The following CTIF variants were observed in gnomAD, a reference collection of about 807,000 sequenced individuals.
CTIF encodes the protein cap binding complex dependent translation initiation factor.
CTIF carries 21 observed loss-of-function variants against 66.0 expected under a neutral mutation model. The ratio of observed to expected loss-of-function variants is 0.32; its 90% CI spans 0.23 to 0.46. CTIF has a LOEUF of 0.46. Among genes scored for constraint, CTIF ranks in the 20% least tolerant of loss-of-function variants. The pLI is 1.00. For missense variants in CTIF, 739 were observed against 812.7 expected (o/e 0.91, Z 1.10); for synonymous variants, 345 against 326.4 (o/e 1.06, Z -0.62).
chr18:48,831,160 A>AC (rs1005171369), intron 10 of CTIF, among the ~76,000 whole-genome samples: 15 of 151,954 alleles, frequency 9.9e-5, no homozygotes, highest in African/African-American at 9.7e-5. Context: ...GAAAAGAAAC[A>AC]CCCCCCATCA....
intron 3 of CTIF, among the ~76,000 whole-genome samples, chr18:48,637,208 C>G (rs2090839614): frequency 6.6e-6 from 1 of 152,186 alleles, no homozygotes; most frequent in Non-Finnish European, 1.5e-5. Flanking sequence ...GTCCTGGGAC[C>G]CCGCCAGAGC....
At chr18:48,838,138 T>G (rs2068855506) in intron 10 of CTIF, among the ~76,000 whole-genome samples, 1 of 152,152 alleles carries the variant, frequency 6.6e-6, no homozygotes, top group African/African-American at 2.4e-5. Flanking sequence ...AGTTCTCACT[T>G]CTCCAAGTGT....
chr18:48,574,558 G>A (rs1233045030), intron 1 of CTIF, among the ~76,000 whole-genome samples: 2 of 152,196 alleles, frequency 1.3e-5, no homozygotes, highest in African/African-American at 4.8e-5. Flanking sequence ...GGCCGCTTGG[G>A]ACCCTCCATT....
At chr18:48,589,772 G>A (rs2089850025) in intron 1 of CTIF, among the ~76,000 whole-genome samples, 1 of 152,218 alleles carries the variant, frequency 6.6e-6, no homozygotes, top group African/African-American at 2.4e-5. Flanking sequence ...TGTGGGGGGA[G>A]CTGGGAGATG....
chr18:48,679,652 A>G (rs1003322908), intron 6 of CTIF, among the ~76,000 whole-genome samples: 4 of 152,146 alleles, frequency 2.6e-5, no homozygotes, highest in African/African-American at 9.7e-5. Context: ...TTTCTTGCTC[A>G]AATCTTCCCC....
rs3764481 is a variant in CTIF at position 48,817,295 on chromosome 18, C to T, written c.1446C>T (p.Cys482=). The change falls in exon 10 of 12, where the codon TGC becomes TGT. Residue 482 remains cysteine (C), a synonymous_variant. Transcript: ENST00000256413. Reference sequence around the variant, plus strand: ...GGCTGGGCTTCATCACCTTCCTGTGCGAGGTCTTCGGCACCATGCGCAGCA... The same window carrying T: ...GGCTGGGCTTCATCACCTTCCTGTGTGAGGTCTTCGGCACCATGCGCAGCA... ...ERWLGFITFL[C]EVFGTMRSST... 194,746 of 1,613,866 alleles carry T rather than the reference C, an allele frequency of 0.12. 12,618 individuals are homozygous for T. The highest frequency in any genetic ancestry group is 0.2 in the East Asian group (9,052 of 44,856).
chr18:48,631,415 A>G (rs2090710849), intron 2 of CTIF, among the ~76,000 whole-genome samples: 1 of 152,250 alleles, frequency 6.6e-6, no homozygotes, highest in African/African-American at 2.4e-5. Context: ...GCAGTGAGCC[A>G]AGATTGTGCC....
intron 10 of CTIF, among the ~76,000 whole-genome samples, chr18:48,833,632 G>C (rs1041763824): frequency 6.6e-6 from 1 of 152,130 alleles, no homozygotes; most frequent in Non-Finnish European, 1.5e-5. Flanking sequence ...AGGAGGGGTG[G>C]GGAGAGAAAA....
chr18:48,810,559 G>T (rs1029977838), intron 9 of CTIF, among the ~76,000 whole-genome samples: 7 of 151,968 alleles, frequency 4.6e-5, no homozygotes, highest in Non-Finnish European at 7.4e-5. Flanking sequence ...TTTATACTGA[G>T]ATCACAGCTT....
chr18:48,619,486 G>A (rs1375406248), intron 1 of CTIF, 52 bp from the exon 2 acceptor site: 23 of 1,211,026 alleles, frequency 1.9e-5, no homozygotes, highest in South Asian at 4.3e-5. Flanking sequence ...TGTGGGCATC[G>A]TCGTCTCCTC....
chr18:48,619,475 G>A (rs1321383211), intron 1 of CTIF, 63 bp from the exon 2 acceptor site: 1 of 1,073,876 alleles, frequency 9.3e-7, no homozygotes, highest in African/African-American at 1.6e-5. Context: ...TGTTTCTCAG[G>A]TGTGGGCATC....
At chr18:48,788,193 C>T (rs1377985617) in intron 9 of CTIF, among the ~76,000 whole-genome samples, 1 of 152,096 alleles carries the variant, frequency 6.6e-6, no homozygotes, top group African/African-American at 2.4e-5. Flanking sequence ...TGTCTCTTTC[C>T]CAGAAGAGGG....
chr18:48,857,880 G>A (rs2069366511), intron 11 of CTIF, among the ~76,000 whole-genome samples: 1 of 115,484 alleles, frequency 8.7e-6, no homozygotes, highest in Admixed American at 8.9e-5. Flanking sequence ...ATTCCCAGTG[G>A]CATTGCCTAC....
chr18:48,799,804 G>A (rs750900905), intron 9 of CTIF, among the ~76,000 whole-genome samples: 1 of 152,208 alleles, frequency 6.6e-6, no homozygotes, highest in Non-Finnish European at 1.5e-5. Context: ...GCCTCCAGGG[G>A]CCTAGACGCA....
At chr18:48,658,787 T>A (rs2091289757) in intron 3 of CTIF, among the ~76,000 whole-genome samples, 1 of 152,196 alleles carries the variant, frequency 6.6e-6, no homozygotes, top group African/African-American at 2.4e-5. Flanking sequence ...CTTGTATGGC[T>A]GTAAGCATTT....
chr18:48,742,189 C>G (rs974383683), intron 7 of CTIF, among the ~76,000 whole-genome samples: 1 of 152,150 alleles, frequency 6.6e-6, no homozygotes, highest in Non-Finnish European at 1.5e-5. Context: ...GACCGTTTCC[C>G]GAAGGAGACA....
At chr18:48,757,232 A>G (rs895101386) in intron 7 of CTIF, among the ~76,000 whole-genome samples, 1 of 152,160 alleles carries the variant, frequency 6.6e-6, no homozygotes, top group Non-Finnish European at 1.5e-5. Flanking sequence ...AAGGTGATCC[A>G]TCATGTCTTA....
chr18:48,700,884 G>A (rs1240113540), intron 6 of CTIF, among the ~76,000 whole-genome samples: 2 of 152,196 alleles, frequency 1.3e-5, no homozygotes, highest in Non-Finnish European at 2.9e-5. Context: ...GGCACCGTGG[G>A]CATCCTCTGA....
chr18:48,626,000 C>CTTTTTTTTTTTTTTTTTT (rs74174709), intron 2 of CTIF, among the ~76,000 whole-genome samples: 3 of 109,172 alleles, frequency 2.7e-5, no homozygotes, highest in African/African-American at 3.9e-5. Flanking sequence ...CTTTTTCTTT[C>CTTTTTTTTTTTTTTTTTT]TTTTTTTTTT....
Sources: allele counts gnomAD v4.1 joint callset (sites outside exome capture counted in the v4.1 genomes callset), GRCh38; gene constraint gnomAD v4.1.1; transcripts MANE v1.5; gene names NCBI Gene and HGNC (gene_info 2026-07-23, HGNC 2026-07-21).